SGK1: variants seen among roughly 807,000 people sequenced by gnomAD.
SGK1 encodes serine/threonine-protein kinase Sgk1.
Under a neutral mutation model 64.2 loss-of-function variants are expected in SGK1, and 26 were observed. The observed-to-expected ratio is 0.40, with a 90% confidence interval of 0.30 to 0.56. The LOEUF is 0.56. SGK1 is among the 20% of genes least tolerant of loss of function. SGK1 has a pLI of 0.38. For missense variants in SGK1, 519 were observed against 645.6 expected (o/e 0.80, Z 2.12); for synonymous variants, 265 against 239.7 (o/e 1.11, Z -0.98).
intron 1 of SGK1, 120 bp from the exon 2 acceptor site, chr6:134,262,268 C>T (rs915921253): frequency 3.0e-6 from 2 of 667,188 alleles, no homozygotes; most frequent in African/African-American, 3.6e-5. Context: ...GGTCTCACAA[C>T]CTGTCTATCT....
At chr6:134,248,444 CCTT>C (rs1474762944) in intron 2 of SGK1, among the ~76,000 whole-genome samples, 66 of 143,878 alleles carry the variant, frequency 4.6e-4, no homozygotes, top group African/African-American at 1.7e-3. Context: ...CTCTCCTCCG[CCTT>C]TTTTTTTTTT....
intron 3 of SGK1, among the ~76,000 whole-genome samples, chr6:134,205,413 G>T (rs986764572): frequency 6.6e-6 from 1 of 151,270 alleles, no homozygotes; most frequent in Non-Finnish European, 1.5e-5. Context: ...TGTTTAGACC[G>T]TAAGTCTGGT....
intron 3 of SGK1, among the ~76,000 whole-genome samples, chr6:134,192,972 C>T (rs1296215794): frequency 1.3e-5 from 2 of 152,260 alleles, no homozygotes; most frequent in Non-Finnish European, 2.9e-5. Flanking sequence ...ATTTTCCTTA[C>T]TATGTACAAT....
chr6:134,250,948 C>G (rs1433211177), intron 2 of SGK1, among the ~76,000 whole-genome samples: 1 of 151,924 alleles, frequency 6.6e-6, no homozygotes, highest in South Asian at 2.1e-4. Context: ...TTTATTTCAT[C>G]GTATTTTTTG....
intron 1 of SGK1, among the ~76,000 whole-genome samples, chr6:134,313,113 T>TAG (rs1777630242): frequency 1.3e-5 from 2 of 152,220 alleles, no homozygotes; most frequent in Non-Finnish European, 1.5e-5. Flanking sequence ...TTAAAGCTCT[T>TAG]AGAACCATGC....
chr6:134,290,582 A>G (rs1297557036), intron 1 of SGK1, among the ~76,000 whole-genome samples: 1 of 152,034 alleles, frequency 6.6e-6, no homozygotes, highest in East Asian at 1.9e-4. Flanking sequence ...TGAAGAGTGT[A>G]GTTCACAGTG....
Position 134,245,919 on chromosome 6 carries a change from T to C in SGK1, c.285+16014A>G, listed in dbSNP as rs1204718314. ...TTGTTCTCACTTGTTCTATAAGAGT[T>C]ACACTGGCACAAGCTCATCTAATGA... On this transcript the variant is annotated intron_variant, in intron 2 of 13. Transcript: ENST00000367858. 5.4e-4 allele frequency among the ~76,000 whole-genome samples: 82 copies of C among 152,234 alleles called. 1 individual carries two copies. The highest frequency in any genetic ancestry group is 2.9e-5 in the Non-Finnish European group (2 of 68,040).
At chr6:134,230,215 G>A (rs757761116) in intron 2 of SGK1, among the ~76,000 whole-genome samples, 20 of 152,096 alleles carry the variant, frequency 1.3e-4, no homozygotes, top group Non-Finnish European at 1.9e-4. Flanking sequence ...AGCCGCACAC[G>A]GCACCTCACA....
At chr6:134,175,740 TCAGGCCGG>T in intron 3 of SGK1, 2 of 1,366,272 alleles carry the variant, frequency 1.5e-6, no homozygotes, top group Non-Finnish European at 1.9e-6. Flanking sequence ...CCGCCGTGAC[TCAGGCCGG>T]GCAAGATTTC....
chr6:134,286,982 T>C (rs1213422766), intron 1 of SGK1, among the ~76,000 whole-genome samples: 1 of 152,174 alleles, frequency 6.6e-6, no homozygotes, highest in African/African-American at 2.4e-5. Flanking sequence ...CAGTATTTTC[T>C]TGGAGAAGTC....
At chr6:134,224,250 T>C (rs1776135443) in intron 2 of SGK1, among the ~76,000 whole-genome samples, 1 of 152,208 alleles carries the variant, frequency 6.6e-6, no homozygotes, top group Admixed American at 6.5e-5. Flanking sequence ...ATCTCGACAA[T>C]GATTCTTTAT....
intron 2 of SGK1, among the ~76,000 whole-genome samples, chr6:134,232,921 G>T (rs1282355126): frequency 6.6e-6 from 1 of 151,514 alleles, no homozygotes; most frequent in African/African-American, 2.4e-5. Context: ...AATGTTTATT[G>T]TGTTCATGTA....
intron 3 of SGK1, among the ~76,000 whole-genome samples, chr6:134,190,287 CTT>C (rs757580358): frequency 3.5e-4 from 48 of 135,432 alleles, no homozygotes; most frequent in Admixed American, 4.6e-4. Context: ...TCCTTCCTTC[CTT>C]TTTTTTTTTT....
intron 1 of SGK1, among the ~76,000 whole-genome samples, chr6:134,309,544 G>C (rs949415484): frequency 5.3e-5 from 8 of 152,222 alleles, no homozygotes; most frequent in Admixed American, 4.6e-4. Context: ...TTCTGGGCCA[G>C]AAGGATTCAC....
At chr6:134,315,172 A>G (rs552119033) in intron 1 of SGK1, among the ~76,000 whole-genome samples, 2 of 152,328 alleles carry the variant, frequency 1.3e-5, no homozygotes, top group East Asian at 3.9e-4. Flanking sequence ...GCAGAAATAA[A>G]CATTTAGAAT....
intron 2 of SGK1, among the ~76,000 whole-genome samples, chr6:134,250,727 A>G (rs529216179): frequency 5.1e-4 from 77 of 152,316 alleles, no homozygotes; most frequent in African/African-American, 1.8e-3. Flanking sequence ...ATTAAATTAT[A>G]TGGTTTTAAG....
chr6:134,271,638 GTACATGTGAAGGTTTGT>G (rs1776941659), intron 1 of SGK1, among the ~76,000 whole-genome samples: 1 of 147,154 alleles, frequency 6.8e-6, no homozygotes, highest in African/African-American at 2.4e-5. Context: ...AGGTTCAAGG[GTACATGTGAAGGTTTGT>G]TACACAGGTA....
intron 1 of SGK1, among the ~76,000 whole-genome samples, chr6:134,272,339 A>C (rs1308042635): frequency 1.5e-5 from 2 of 132,358 alleles, no homozygotes; most frequent in African/African-American, 5.5e-5. Context: ...TTTTTAGTAG[A>C]GATGGGGTTT....
chr6:134,285,940 C>T (rs909778282), intron 1 of SGK1, among the ~76,000 whole-genome samples: 11 of 152,062 alleles, frequency 7.2e-5, no homozygotes, highest in Admixed American at 2.0e-4. Context: ...GGTGGACTGT[C>T]CCACTTCACC....
Sources: allele counts gnomAD v4.1 joint callset (sites outside exome capture counted in the v4.1 genomes callset), GRCh38; gene constraint gnomAD v4.1.1; transcripts MANE v1.5; gene names NCBI Gene and HGNC (gene_info 2026-07-23, HGNC 2026-07-21).